PPARGC1B: variants seen among roughly 807,000 people sequenced by gnomAD.
PPARGC1B encodes PPARG coactivator 1 beta, also known as peroxisome proliferator-activated receptor gamma coactivator 1-beta.
PPARGC1B carries 34 observed loss-of-function variants against 101.6 expected under a neutral mutation model. The ratio of observed to expected loss-of-function variants is 0.33; its 90% CI spans 0.25 to 0.45. The LOEUF (loss-of-function observed/expected upper bound fraction) is 0.45. PPARGC1B is among the 20% of genes least tolerant of loss of function. PPARGC1B has a pLI of 1.00. For missense variants in PPARGC1B, 1,234 were observed against 1,317.6 expected (o/e 0.94, Z 0.98); for synonymous variants, 548 against 539.3 (o/e 1.02, Z -0.22).
intron 1 of PPARGC1B, among the ~76,000 whole-genome samples, chr5:149,818,107 T>TG (rs1359232291): frequency 1.3e-5 from 2 of 152,110 alleles, no homozygotes; most frequent in Non-Finnish European, 2.9e-5. Flanking sequence ...GATTTGTAGT[T>TG]GGGGGGCATG....
intron 1 of PPARGC1B, among the ~76,000 whole-genome samples, chr5:149,767,835 G>GT (rs1755971483): frequency 1.3e-5 from 2 of 151,916 alleles, no homozygotes; most frequent in Non-Finnish European, 2.9e-5. Context: ...GGGGTTGGGG[G>GT]TGGGGGGTGG....
At chr5:149,824,996 T>A (rs1758453129) in intron 2 of PPARGC1B, among the ~76,000 whole-genome samples, 1 of 152,238 alleles carries the variant, frequency 6.6e-6, no homozygotes, top group Non-Finnish European at 1.5e-5. Context: ...GTATTTCAGA[T>A]GAACTTCCTG....
downstream of PPARGC1B, among the ~76,000 whole-genome samples, chr5:149,857,718 ACACTATGTTCTCTG>A (rs1375319936): frequency 6.6e-6 from 1 of 152,212 alleles, no homozygotes; most frequent in Non-Finnish European, 1.5e-5. Flanking sequence ...GCTGCCCTGT[ACACTATGTTCTCTG>A]TGATCCTGGG....
chr5:149,763,914 G>T (rs1378903936), intron 1 of PPARGC1B, among the ~76,000 whole-genome samples: 2 of 152,010 alleles, frequency 1.3e-5, no homozygotes, highest in Non-Finnish European at 2.9e-5. Context: ...CTTCCAAGTA[G>T]CTGGGATTAC....
At chr5:149,738,233 A>G (rs917131429) in intron 1 of PPARGC1B, among the ~76,000 whole-genome samples, 41 of 152,076 alleles carry the variant, frequency 2.7e-4, no homozygotes, top group African/African-American at 9.4e-4. Context: ...GGAATATAAC[A>G]GACATTTAAT....
chr5:149,836,120 C>G (rs1183926264), intron 7 of PPARGC1B, 143 bp from the exon 8 acceptor site: 9 of 694,034 alleles, frequency 1.3e-5, no homozygotes, highest in Non-Finnish European at 2.2e-5. Flanking sequence ...AGCTCCTGGC[C>G]TCAAGTAATC....
At chr5:149,763,872 C>G (rs1407859688) in intron 1 of PPARGC1B, among the ~76,000 whole-genome samples, 2 of 151,984 alleles carry the variant, frequency 1.3e-5, no homozygotes, top group East Asian at 3.9e-4. Flanking sequence ...CCACCTCTGC[C>G]TCCTGGGCTA....
chr5:149,795,258 C>T (rs1757166377), intron 1 of PPARGC1B, among the ~76,000 whole-genome samples: 1 of 152,162 alleles, frequency 6.6e-6, no homozygotes, highest in Non-Finnish European at 1.5e-5. Flanking sequence ...CAACTACCTA[C>T]TTAGTTGGGT....
intron 1 of PPARGC1B, among the ~76,000 whole-genome samples, chr5:149,759,731 ATGCTGC>A (rs1755654899): frequency 6.6e-6 from 1 of 152,242 alleles, no homozygotes; most frequent in East Asian, 1.9e-4. Context: ...TTCACCAGGC[ATGCTGC>A]CAGCAGCAGC....
rs72830257 is a variant in PPARGC1B at position 149,817,132 on chromosome 5, G to A, written c.79-3301G>A. 7.3e-3 allele frequency among the ~76,000 whole-genome samples: 1,106 copies of A among 152,234 alleles called. 8 individuals carry two copies. The highest frequency in any genetic ancestry group is 0.011 in the Non-Finnish European group (770 of 68,012). ...TTTGCCTCTGACTGTCCCTCTGCCT[G>A]CAATGCTCTTCCCACCTCTTCCACT... On this transcript the variant is annotated intron_variant, in intron 1 of 11. Transcript: ENST00000309241.
At position 149,836,325 on chromosome 5, in the gene PPARGC1B, A is replaced by G. The variant is rs1759073387; in HGVS notation, c.1870A>G (p.Ile624Val). The G allele has an allele frequency of 6.2e-7, 1 of 1,613,296 alleles. No homozygotes were observed. The highest frequency in any genetic ancestry group is 1.1e-5 in the South Asian group (1 of 91,006). Residue 624 changes from isoleucine (I) to valine (V), a missense_variant, in exon 8 of 12, where the codon ATC becomes GTC. Ile to Val is a conservative substitution (Grantham distance 29). This residue lies in a region of PPARGC1B where 497 missense variants were observed against 529.5 expected (regional missense o/e 0.94). Coordinates refer to ENST00000309241, the MANE Select transcript of PPARGC1B (RefSeq NM_133263.4). ...PTEEDPFKPD[I>V]KHSLGKEIAL... ...AGAGGAGGATCCCTTCAAACCAGACATCAAGCATAGTCTAGGCAAAGAAAT... is the reference window on the plus strand; with the variant it reads ...AGAGGAGGATCCCTTCAAACCAGACGTCAAGCATAGTCTAGGCAAAGAAAT...
In PPARGC1B at chr5:149,814,775, C is replaced by A. The variant is rs1581086481; in HGVS notation, c.79-5658C>A. Among the ~76,000 whole-genome samples the A allele has an allele frequency of 2.0e-5, 3 of 152,236 alleles. No individual in the cohort carries two copies. In the East Asian group the frequency reaches 5.8e-4, roughly 29 times the overall value. On this transcript the variant is annotated intron_variant, in intron 1 of 11. Transcript: ENST00000309241. ...GCCACTTATGTGAGTCTGGAGGAAA[C>A]CCCATTAATCCACGGCCAGGGTTAT...
chr5:149,833,735 G>A lies in PPARGC1B; in HGVS notation c.1662G>A (p.Gly554=), dbSNP rs764661412. 7 of 1,579,756 alleles carry A rather than the reference G, an allele frequency of 4.4e-6. No homozygotes were observed. Among genetic ancestry groups the A allele is most frequent in the African/African-American group, 1.3e-5 (1 of 74,430 alleles). The part of the protein sequence containing the change: ...ALESPCESGC[G]DMDEDPSCPQ... The stretch of plus-strand genomic sequence containing the variant: ...AGAGCCCCTGTGAGAGTGGGTGTGG[G>A]GACATGGATGAGGACCCCAGCTGCC... The change falls in exon 5 of 12, where the codon GGG becomes GGA. Residue 554 remains glycine, a synonymous_variant. Coordinates refer to ENST00000309241, the MANE Select transcript of PPARGC1B (RefSeq NM_133263.4). This position sits in a 1 kb window ranked among gnomAD's most constrained non-coding sequence, Gnocchi z 4.1.
At chr5:149,732,706 C>A in intron 1 of PPARGC1B, 3 of 436,384 alleles carry the variant, frequency 6.9e-6, no homozygotes, top group South Asian at 1.7e-5. Context: ...GAGAGCCCAG[C>A]CGGAAGAGGA....
chr5:149,837,173 C>T lies in PPARGC1B; in HGVS notation c.2618+100C>T, dbSNP rs1392673801. ...AGGGAGGATCCCTGGGAAGCTTGCT[C>T]TGAAACTGAGGCTGCATCTCCCAGT... On this transcript the variant is annotated intron_variant, in intron 8 of 11. Transcript: ENST00000309241. This position sits in a 1 kb window ranked among gnomAD's most constrained non-coding sequence, Gnocchi z 4.2. 2 of 1,494,128 alleles carry T rather than the reference C, an allele frequency of 1.3e-6. No individual in the cohort carries two copies. Among genetic ancestry groups the T allele is most frequent in the South Asian group, 2.7e-5 (2 of 73,330 alleles). 92.6% of individuals were successfully genotyped at this position (1,494,128 alleles called of 1,614,324 possible).
In PPARGC1B at chr5:149,847,773, C is replaced by T. The variant is rs540153303; in HGVS notation, c.*215C>T. 284 of 552,428 alleles carry T rather than the reference C, an allele frequency of 5.1e-4. 1 individual carries two copies. Among genetic ancestry groups the T allele is most frequent in the African/African-American group, 4.5e-3 (237 of 53,180 alleles). 34.2% of individuals were successfully genotyped at this position (552,428 alleles called of 1,614,324 possible). On this transcript the variant is annotated 3_prime_UTR_variant, in exon 12 of 12. Transcript: ENST00000309241. ...TGTCTGTGAGTTTCCATGGTGTTGA[C>T]GTTCCACTGCCACATTAGTGTCCTC...
intron 1 of PPARGC1B, among the ~76,000 whole-genome samples, chr5:149,792,809 A>C (rs750176414): frequency 1.6e-4 from 24 of 152,154 alleles, no homozygotes; most frequent in Non-Finnish European, 3.1e-4. Flanking sequence ...ACCCCTTTGC[A>C]GTTTGCACTG....
intron 1 of PPARGC1B, among the ~76,000 whole-genome samples, chr5:149,810,142 C>A (rs1757798358): frequency 6.6e-6 from 1 of 152,208 alleles, no homozygotes; most frequent in South Asian, 2.1e-4. Context: ...ACCTGTACAT[C>A]ATTTTACAGT....
At chr5:149,817,645 A>T (rs1758111001) in intron 1 of PPARGC1B, 1 of 451,124 alleles carries the variant, frequency 2.2e-6, no homozygotes, top group Non-Finnish European at 4.5e-6. Flanking sequence ...GCTGAGTCTT[A>T]TATAACACAG....
Sources: allele counts gnomAD v4.1 joint callset (sites outside exome capture counted in the v4.1 genomes callset), GRCh38; gene constraint gnomAD v4.1.1; regional missense constraint gnomAD v4.1.1; non-coding constraint Gnocchi (gnomAD v3.1); transcripts MANE v1.5; gene names NCBI Gene and HGNC (gene_info 2026-07-23, HGNC 2026-07-21).